MACROD1: variants seen among roughly 807,000 people sequenced by gnomAD.
MACROD1 encodes mono-ADP ribosylhydrolase 1, also known as ADP-ribose glycohydrolase MACROD1.
In MACROD1, 31 loss-of-function variants were observed where a neutral mutation model predicts 41.4. That is an observed-to-expected ratio of 0.75 (90% CI 0.56 to 1.01). The LOEUF (loss-of-function observed/expected upper bound fraction) is 1.01, where lower values mean the gene tolerates loss of function less well. Ranked by LOEUF, MACROD1 falls within the 50% of genes least tolerant of loss-of-function variation. MACROD1 has a pLI of 0.00. For missense variants in MACROD1, 473 were observed against 460.0 expected, an observed-to-expected ratio of 1.03 and a Z score of -0.26; for synonymous variants, 252 against 203.4, an observed-to-expected ratio of 1.24 and a Z score of -2.03.
At chr11:64,087,643 A>G (rs1301308102) in intron 3 of MACROD1, among the ~76,000 whole-genome samples, 1 of 152,208 alleles carries the variant, frequency 6.6e-6, no homozygotes, top group Admixed American at 6.5e-5. Flanking sequence ...ACCCTGCAGG[A>G]CATGCAGCCA....
In MACROD1 at chr11:63,999,396, A is replaced by C. The variant is rs755367901; in HGVS notation, c.826T>G (p.Cys276Gly). 1 of 1,591,058 alleles carries C rather than the reference A, an allele frequency of 6.3e-7. No individual in the cohort carries two copies. Among genetic ancestry groups the C allele is most frequent in the Non-Finnish European group, 8.5e-7 (1 of 1,172,566 alleles). The change falls in exon 8 of 11, where the codon TGT (cysteine) becomes GGT (glycine). Residue 276 changes from cysteine (C) to glycine (G), a missense_variant. Transcript: ENST00000255681. ...AGCACGATCTCGGCGGCCGCCTCAC[A>C]GGGGTAGCCTGAGGCGGGTGGGGCG... is the stretch of plus-strand genomic sequence containing the variant. ...CISTGVFGYP[C>G]EAAAEIVLAT... is the part of the protein sequence containing the mutation.
chr11:64,141,356 A>G (rs1033612164), intron 3 of MACROD1, among the ~76,000 whole-genome samples: 4 of 152,188 alleles, frequency 2.6e-5, no homozygotes. Context: ...ATTCAAGTCA[A>G]CGCACCCACA....
intron 3 of MACROD1, among the ~76,000 whole-genome samples, chr11:64,030,822 G>A (rs1590814954): frequency 6.6e-6 from 1 of 151,918 alleles, no homozygotes; most frequent in Non-Finnish European, 1.5e-5. Flanking sequence ...AGGCTGAGGT[G>A]GGAGCATCGC....
chr11:64,004,557 G>A (rs542210000), intron 4 of MACROD1, among the ~76,000 whole-genome samples: 31 of 152,262 alleles, frequency 2.0e-4, no homozygotes, highest in Non-Finnish European at 3.4e-4. Flanking sequence ...TGCCCCTACC[G>A]AGGGCAGGGC....
intron 3 of MACROD1, among the ~76,000 whole-genome samples, chr11:64,126,332 G>A (rs992537607): frequency 6.6e-6 from 1 of 152,150 alleles, no homozygotes; most frequent in African/African-American, 2.4e-5. Flanking sequence ...TCATCCAAGA[G>A]TGAGAGAAGT....
chr11:64,157,697 A>T (rs1945690817), intron 1 of MACROD1, among the ~76,000 whole-genome samples: 1 of 152,128 alleles, frequency 6.6e-6, no homozygotes, highest in Admixed American at 6.5e-5. Flanking sequence ...GCGAATGGGA[A>T]TTCAATGCTG....
At chr11:64,144,847 C>T (rs896746185) in intron 3 of MACROD1, among the ~76,000 whole-genome samples, 5 of 152,264 alleles carry the variant, frequency 3.3e-5, no homozygotes, top group East Asian at 1.9e-4. Context: ...CGATTTACGG[C>T]GACAGTTCAG....
chr11:64,062,125 T>C (rs1238484420), intron 3 of MACROD1, among the ~76,000 whole-genome samples: 2 of 151,962 alleles, frequency 1.3e-5, no homozygotes, highest in Non-Finnish European at 2.9e-5. Flanking sequence ...GCCCCTCTCC[T>C]CCGCAAGGCC....
intron 3 of MACROD1, among the ~76,000 whole-genome samples, chr11:64,047,369 C>G (rs1943604417): frequency 6.6e-6 from 1 of 152,194 alleles, no homozygotes; most frequent in Non-Finnish European, 1.5e-5. Flanking sequence ...GGTTCAGTCA[C>G]TGGGCCAAGG....
intron 3 of MACROD1, among the ~76,000 whole-genome samples, chr11:64,106,130 G>A (rs192583038): frequency 8.3e-4 from 127 of 152,282 alleles, no homozygotes; most frequent in African/African-American, 2.7e-3. Flanking sequence ...GAGAGGTCCC[G>A]CTGGGCAGCT....
chr11:64,053,158 G>T (rs11231684), intron 3 of MACROD1, among the ~76,000 whole-genome samples: 29,007 of 152,100 alleles, frequency 0.19, 5,209 homozygotes, highest in African/African-American at 0.46. Context: ...GGCCCCAGAC[G>T]GAGAGCTGGG....
In MACROD1 at chr11:64,051,366, G is replaced by A. The variant is rs113692273; in HGVS notation, c.518-36085C>T. ...TGGTGGGGTGGGTGCGTGTGGTCAC[G>A]AGCTAGAGAGGCAGCAGGGACTCTG... On this transcript the variant is annotated intron_variant, in intron 3 of 10. Coordinates refer to ENST00000255681, the MANE Select transcript of MACROD1 (RefSeq NM_014067.4). 1.6e-4 allele frequency among the ~76,000 whole-genome samples: 25 copies of A among 152,314 alleles called. 1 individual carries two copies. Among genetic ancestry groups the A allele is most frequent in the African/African-American group, 4.3e-4 (18 of 41,566 alleles).
rs554711497 is a variant in MACROD1, at chr11:64,029,544, G to A, written c.518-14263C>T. Among the ~76,000 whole-genome samples, 52 of 152,200 alleles carry A rather than the reference G, an allele frequency of 3.4e-4. No homozygotes were observed. In the South Asian group the frequency reaches 5.6e-3, roughly 16 times the overall value. On this transcript the variant is annotated intron_variant, in intron 3 of 10. Transcript: ENST00000255681. Reference sequence around the variant, plus strand: ...TGGCATCCCCTTCCTCACTGTCCCGGGGGTCCAGCCCCCATTTGCTTCCAC... The same window carrying A: ...TGGCATCCCCTTCCTCACTGTCCCGAGGGTCCAGCCCCCATTTGCTTCCAC...
At chr11:64,124,548 C>G (rs1030658014) in intron 3 of MACROD1, among the ~76,000 whole-genome samples, 1 of 152,236 alleles carries the variant, frequency 6.6e-6, no homozygotes, top group Non-Finnish European at 1.5e-5. Flanking sequence ...TCTTCCCCCT[C>G]CCTCGGCATT....
chr11:64,041,391 T>C (rs1943484659), intron 3 of MACROD1, among the ~76,000 whole-genome samples: 1 of 151,482 alleles, frequency 6.6e-6, no homozygotes. Flanking sequence ...GAAAATGTCC[T>C]CAAAAATGCT....
chr11:64,053,488 G>C (rs1646137944), intron 3 of MACROD1, among the ~76,000 whole-genome samples: 1 of 152,132 alleles, frequency 6.6e-6, no homozygotes, highest in Admixed American at 6.5e-5. Flanking sequence ...CGATGGGAGT[G>C]TGGCCAGGAA....
At position 64,123,533 on chromosome 11, in the gene MACROD1, T is replaced by TGG. The variant is rs1416682757; in HGVS notation, c.517+27704_517+27705dup. On this transcript the variant is annotated intron_variant, in intron 3 of 10. Transcript: ENST00000255681. ...CAGGGACTTTCTGGGCCTCGATGGG[T>TGG]GGGGTGGGGGGGTTGGGGGTGCAAG... 1.2e-3 allele frequency among the ~76,000 whole-genome samples: 11 copies of TGG among 9,156 alleles called. 1 individual carries two copies. The highest frequency in any genetic ancestry group is 4.1e-3 in the African/African-American group (11 of 2,664). The allele number at this position is 9,156 out of a possible 152,430, so 6.0% of individuals were successfully genotyped here.
At chr11:64,159,780 G>A (rs2134729184) in intron 1 of MACROD1, among the ~76,000 whole-genome samples, 1 of 152,168 alleles carries the variant, frequency 6.6e-6, no homozygotes, top group African/African-American at 2.4e-5. Context: ...GGCAACAAGA[G>A]CGAAACTCGG....
chr11:64,103,518 C>CTCT (rs1944707197), intron 3 of MACROD1: 1 of 151,888 alleles, frequency 6.6e-6, no homozygotes, highest in African/African-American at 2.4e-5. Context: ...GAGTGGCTCC[C>CTCT]TCTCAGCTCC....
Sources: allele counts gnomAD v4.1 joint callset (sites outside exome capture counted in the v4.1 genomes callset), GRCh38; gene constraint gnomAD v4.1.1; transcripts MANE v1.5; gene names NCBI Gene and HGNC (gene_info 2026-07-23, HGNC 2026-07-21).